The following ABCA4 variants were observed in gnomAD, a reference collection of about 807,000 sequenced individuals.
ABCA4 encodes the protein ATP binding cassette subfamily A member 4.
Under a neutral mutation model 263.7 loss-of-function variants are expected in ABCA4, and 196 were observed. The ratio of observed to expected loss-of-function variants is 0.74; its 90% CI spans 0.66 to 0.84. The LOEUF (loss-of-function observed/expected upper bound fraction) is 0.84, where lower values mean the gene tolerates loss of function less well. Among genes scored for constraint, ABCA4 ranks in the 40% least tolerant of loss-of-function variants. The probability of loss-of-function intolerance (pLI) is 0.00; values close to 1 mark genes in which losing one functional copy is unlikely to be tolerated. For synonymous variants in ABCA4, 1,133 were observed against 1,094.2 expected, an observed-to-expected ratio of 1.04 and a Z score of -0.70; for missense variants, 2,792 against 2,855.1, an observed-to-expected ratio of 0.98 and a Z score of 0.50.
At chr1:94,098,172 C>A (rs1426264366) in intron 6 of ABCA4, among the ~76,000 whole-genome samples, 2 of 152,176 alleles carry the variant, frequency 1.3e-5, no homozygotes, top group Non-Finnish European at 2.9e-5. Context: ...AGGTCCCAAG[C>A]AGTCTGTCTG....
In ABCA4 at chr1:94,121,136, G is replaced by T; in HGVS notation, c.-91C>A. The T allele has an allele frequency of 8.7e-7, 1 of 1,148,410 alleles. No homozygotes were observed. The highest frequency in any genetic ancestry group is 1.2e-5 in the South Asian group (1 of 81,536). The allele number at this position is 1,148,410 out of a possible 1,614,324, so 71.1% of individuals were successfully genotyped here. On this transcript the variant is annotated 5_prime_UTR_variant, in exon 1 of 50. Coordinates refer to ENST00000370225, the MANE Select transcript of ABCA4 (RefSeq NM_000350.3). Reference sequence around the variant, plus strand: ...CGCCGTTAAGAGCGCCTCTGGCTCCGGACGCTGTGTCCTTCTCCTGGTGAT... The same window carrying T: ...CGCCGTTAAGAGCGCCTCTGGCTCCTGACGCTGTGTCCTTCTCCTGGTGAT...
rs367893217 is a variant in ABCA4 at position 94,011,415 on chromosome 1, C to T, written c.5461-30G>A. 64 of 1,605,566 alleles carry T rather than the reference C, an allele frequency of 4.0e-5. No individual in the cohort carries two copies. The Middle Eastern group carries it at 4.9e-4, about 12-fold the overall frequency. On this transcript the variant is annotated intron_variant, in intron 38 of 49. Coordinates refer to ENST00000370225, the MANE Select transcript of ABCA4 (RefSeq NM_000350.3). ...AACAGAGAAGTAGGACTGTTGGAAA[C>T]GGGGCAAACCCCACCCCCCCTCTCT...
At chr1:94,062,839 T>G (rs1011993366) in intron 12 of ABCA4, 86 bp from the exon 13 acceptor site, 4 of 1,417,162 alleles carry the variant, frequency 2.8e-6, no homozygotes, top group Non-Finnish European at 3.9e-6. Flanking sequence ...TCGGAACTCA[T>G]TCTCTTAAAA....
Position 94,021,904 on chromosome 1 carries a change from G to T in ABCA4, c.4715C>A (p.Thr1572Lys). The change falls in exon 33 of 50, where the codon ACG (threonine) becomes AAG (lysine). Residue 1572 changes from threonine (T) to lysine (K), a missense_variant. By Grantham distance (78) the Thr-to-Lys change is moderately conservative (BLOSUM62 -1). Coordinates refer to ENST00000370225, the MANE Select transcript of ABCA4 (RefSeq NM_000350.3). ...TAAAAACCCAACAAGTGCTTCCCCC[G>T]TGATGGGGACGACTGGGAGCTTTCC... ...IGGKLPVVPI[T>K]GEALVGFLSD... 1.9e-6 allele frequency: 3 copies of T among 1,614,130 alleles called. No individual in the cohort carries two copies. The highest frequency in any genetic ancestry group is 2.5e-6 in the Non-Finnish European group (3 of 1,180,026).
intron 7 of ABCA4, among the ~76,000 whole-genome samples, chr1:94,081,214 T>C (rs1474142539): frequency 6.6e-6 from 1 of 151,862 alleles, no homozygotes; most frequent in African/African-American, 2.4e-5. Context: ...GACTGAGCAA[T>C]ACTCCGTCTC....
At chr1:94,015,622 T>C in intron 37 of ABCA4, 117 bp downstream of exon 37, 1 of 846,642 alleles carries the variant, frequency 1.2e-6, no homozygotes. Flanking sequence ...GGCCGGAAGC[T>C]AAACTTGTGG....
intron 47 of ABCA4, among the ~76,000 whole-genome samples, chr1:93,999,019 G>A (rs913189959): frequency 1.4e-5 from 2 of 146,796 alleles, no homozygotes; most frequent in Admixed American, 1.4e-4. Context: ...CCAAAGTGCT[G>A]GGATTACAGG....
intron 30 of ABCA4, among the ~76,000 whole-genome samples, chr1:94,027,018 G>A: frequency 6.6e-6 from 1 of 151,938 alleles, no homozygotes; most frequent in East Asian, 1.9e-4. Flanking sequence ...GAGAGTGAGA[G>A]ATAAAGAGTA....
intron 12 of ABCA4, 67 bp from the exon 13 acceptor site, chr1:94,062,820 CA>C: frequency 6.6e-7 from 1 of 1,517,528 alleles, no homozygotes; most frequent in South Asian, 1.2e-5. Context: ...CTCCCGACCA[CA>C]GGGTGACTCG....
In ABCA4 at chr1:94,079,337, T is replaced by G. The variant is rs1177081223; in HGVS notation, c.1224A>C (p.Arg408=). The change falls in exon 9 of 50, where the codon CGA becomes CGC. Residue 408 remains arginine (R), a synonymous_variant. Transcript: ENST00000370225. ...ILYTPDSPAA[R]RILKNANSTF... is the part of the protein sequence containing the mutation. ...GGGATCTTACATTCTTCAGTATCCT[T>G]CGTGCTGCAGGTGAATCAGGAGTGT... The G allele has an allele frequency of 6.2e-7, 1 of 1,614,042 alleles. No individual in the cohort carries two copies. Among genetic ancestry groups the G allele is most frequent in the Non-Finnish European group, 8.5e-7 (1 of 1,180,038 alleles).
rs372152854 is a variant in ABCA4 at position 94,096,169 on chromosome 1, C to A, written c.768+2625G>T. Among the ~76,000 whole-genome samples the A allele has an allele frequency of 9.9e-5, 15 of 152,226 alleles. 1 individual carries two copies. Among genetic ancestry groups the A allele is most frequent in the South Asian group, 4.2e-4 (2 of 4,816 alleles). ...TAGGTCAGTGATTCTCAATCTTGGC[C>A]GGACATTGGACTTATCTGGGAAGCT... is the stretch of plus-strand genomic sequence containing the variant. On this transcript the variant is annotated intron_variant, in intron 6 of 49. Coordinates refer to ENST00000370225, the MANE Select transcript of ABCA4 (RefSeq NM_000350.3).
chr1:94,107,468 G>A (rs1165166661), intron 4 of ABCA4, among the ~76,000 whole-genome samples: 1 of 152,174 alleles, frequency 6.6e-6, no homozygotes, highest in Admixed American at 6.5e-5. Context: ...TACTACACAC[G>A]TGACAGCACA....
chr1:94,099,303 A>C (rs1353112050), intron 5 of ABCA4, among the ~76,000 whole-genome samples: 1 of 152,208 alleles, frequency 6.6e-6, no homozygotes, highest in African/African-American at 2.4e-5. Flanking sequence ...CTAGCCAAAG[A>C]ATGTGGCGTG....
chr1:94,066,951 T>A (rs116200281), intron 11 of ABCA4, among the ~76,000 whole-genome samples: 1 of 152,322 alleles, frequency 6.6e-6, no homozygotes, highest in Non-Finnish European at 1.5e-5. Flanking sequence ...TAATTTAAAT[T>A]TAAATAGCCC....
At position 94,103,026 on chromosome 1, in the gene ABCA4, G is replaced by A. The variant is rs772735093; in HGVS notation, c.559C>T (p.Arg187Cys). The change falls in exon 5 of 50, where the codon CGT (arginine) becomes TGT (cysteine). Residue 187 changes from arginine to cysteine, a missense_variant. Physicochemically the swap from Arg to Cys is radical, Grantham distance 180. Transcript: ENST00000370225. The stretch of plus-strand genomic sequence containing the variant: ...TGACATCCCCCTACCTGCTCTGGAC[G>A]GACTTGAGAGTTGATCAGAAGGTAG... ...VVYLLINSQV[R>C]PEQFAHGVPD... 1.4e-5 allele frequency: 23 copies of A among 1,614,048 alleles called. No individual in the cohort carries two copies. The highest frequency in any genetic ancestry group is 4.4e-5 in the South Asian group (4 of 91,084).
At chr1:94,113,589 T>G (rs1377610425) in intron 1 of ABCA4, among the ~76,000 whole-genome samples, 4 of 152,262 alleles carry the variant, frequency 2.6e-5, no homozygotes, top group African/African-American at 9.6e-5. Context: ...CTCCTGTTTC[T>G]GGGGCCAGTG....
At chr1:94,111,317 G>C in intron 3 of ABCA4, 121 bp downstream of exon 3, 1 of 1,362,842 alleles carries the variant, frequency 7.3e-7, no homozygotes, top group Non-Finnish European at 1.0e-6. Flanking sequence ...TAAGAGGTTA[G>C]GGGCTCAGCA....
chr1:94,032,028 T>A lies in ABCA4; in HGVS notation c.3878A>T (p.Lys1293Ile). Residue 1293 changes from lysine to isoleucine, a missense_variant, in exon 27 of 50, where the codon AAA (lysine) becomes ATA (isoleucine). Coordinates refer to ENST00000370225, the MANE Select transcript of ABCA4 (RefSeq NM_000350.3). ...GPLFAGGAQQ[K>I]RENVNPRHPC... ...GTGTCGGGGGTTGACGTTTTCTCTTTTCTGCTGAGCGCCACCTGTTTTGAG... is the reference window on the plus strand; with the variant it reads ...GTGTCGGGGGTTGACGTTTTCTCTTATCTGCTGAGCGCCACCTGTTTTGAG... The A allele has an allele frequency of 6.2e-7, 1 of 1,612,298 alleles. No individual in the cohort carries two copies. The highest frequency in any genetic ancestry group is 8.5e-7 in the Non-Finnish European group (1 of 1,180,012).
chr1:94,097,646 A>G (rs1311561733), intron 6 of ABCA4, among the ~76,000 whole-genome samples: 1 of 152,214 alleles, frequency 6.6e-6, no homozygotes, highest in Non-Finnish European at 1.5e-5. Flanking sequence ...GTAACAGGAT[A>G]GATTCTGGGC....
Sources: allele counts gnomAD v4.1 joint callset (sites outside exome capture counted in the v4.1 genomes callset), GRCh38; gene constraint gnomAD v4.1.1; transcripts MANE v1.5; gene names NCBI Gene and HGNC (gene_info 2026-07-23, HGNC 2026-07-21).